Variants in ZNF782 observed in about 807,000 individuals in gnomAD.
The protein encoded by ZNF782 is zinc finger protein 782.
ZNF782 carries 12 observed loss-of-function variants against 13.0 expected under a neutral mutation model. That is an observed-to-expected ratio of 0.92 (90% CI 0.59 to 1.50). ZNF782 has a LOEUF of 1.50. Ranked by LOEUF, ZNF782 falls within the 40% of genes most tolerant of loss-of-function variation. The pLI is 0.00. For missense variants in ZNF782, 770 were observed against 822.9 expected (o/e 0.94, Z 0.79); for synonymous variants, 284 against 283.0 (o/e 1.00, Z -0.04).
chr9:96,866,415 C>A (rs1333133147), intron 1 of ZNF782, among the ~76,000 whole-genome samples: 3 of 152,156 alleles, frequency 2.0e-5, no homozygotes, highest in Non-Finnish European at 4.4e-5. Context: ...CCTGCAGGTG[C>A]ACAGAAGTCA....
chr9:96,877,727 G>T (rs1851911852), upstream of ZNF782, among the ~76,000 whole-genome samples: 1 of 152,202 alleles, frequency 6.6e-6, no homozygotes, highest in Non-Finnish European at 1.5e-5. Flanking sequence ...TCCCTGCCTG[G>T]GGTCGTTCCC....
chr9:96,894,355 C>G, the ZNF782 span: 11 of 152,204 alleles, frequency 7.2e-5, no homozygotes, highest in Admixed American at 5.9e-4. Context: ...AAAAAAGAAC[C>G]TCCATGCTCA....
intron 4 of ZNF782, among the ~76,000 whole-genome samples, chr9:96,843,876 T>C (rs1384280951): frequency 6.6e-6 from 1 of 152,160 alleles, no homozygotes; most frequent in Non-Finnish European, 1.5e-5. Context: ...AAAAAGTCTG[T>C]AAAACATATA....
chr9:96,857,739 A>G (rs1023010161), upstream of ZNF782, among the ~76,000 whole-genome samples: 1 of 152,192 alleles, frequency 6.6e-6, no homozygotes, highest in Non-Finnish European at 1.5e-5. Flanking sequence ...TAATTTTTCA[A>G]TATTTTTTTG....
At chr9:96,893,999 C>CAAAAAAAAAAA in the ZNF782 span, 3 of 48,888 alleles carry the variant, frequency 6.1e-5, no homozygotes, top group African/African-American at 3.4e-4. Flanking sequence ...GACTCCGTCT[C>CAAAAAAAAAAA]AAAAAAAAAA....
At chr9:96,858,805 C>T (rs749587630), upstream of ZNF782, among the ~76,000 whole-genome samples, 24 of 152,182 alleles carry the variant, frequency 1.6e-4, no homozygotes, top group Non-Finnish European at 2.9e-4. This position sits in a 1 kb window ranked among gnomAD's most constrained non-coding sequence, Gnocchi z 4.4. Context: ...AAATCTCTGC[C>T]AGCTGTGCTC....
intron 5 of ZNF782, among the ~76,000 whole-genome samples, chr9:96,820,034 A>G (rs1850356170): frequency 6.6e-6 from 1 of 152,194 alleles, no homozygotes; most frequent in South Asian, 2.1e-4. Context: ...TCAAAACTGA[A>G]TAGAGAAGAG....
At chr9:96,909,154 G>GAAAT in the ZNF782 span, among the ~76,000 whole-genome samples, 4 of 110,238 alleles carry the variant, frequency 3.6e-5, no homozygotes, top group Non-Finnish European at 7.6e-5. Context: ...ATGAAACTGA[G>GAAAT]AAATAAATAA....
At chr9:96,922,760 C>T in the ZNF782 span, among the ~76,000 whole-genome samples, 4 of 151,378 alleles carry the variant, frequency 2.6e-5, no homozygotes, top group Admixed American at 6.6e-5. Flanking sequence ...GGCGACAGAG[C>T]GAGACTCCGT....
the ZNF782 span, among the ~76,000 whole-genome samples, chr9:96,885,860 TAGACAG>T: frequency 6.6e-6 from 1 of 152,176 alleles, no homozygotes; most frequent in Admixed American, 6.5e-5. Flanking sequence ...TTTCTTTTCT[TAGACAG>T]AGACAGAGTC....
chr9:96,887,785 T>C, the ZNF782 span: 3 of 151,972 alleles, frequency 2.0e-5, no homozygotes, highest in South Asian at 6.2e-4. Context: ...CCAACAATGA[T>C]AGACTGGATT....
the ZNF782 span, among the ~76,000 whole-genome samples, chr9:96,913,231 C>A: frequency 5.3e-5 from 8 of 152,018 alleles, no homozygotes; most frequent in Non-Finnish European, 1.0e-4. Flanking sequence ...AGGAGAACCA[C>A]TTGAACCTGG....
chr9:96,874,399 G>C (rs1268887059), intron 1 of ZNF782, among the ~76,000 whole-genome samples: 1 of 152,174 alleles, frequency 6.6e-6, no homozygotes. Context: ...TGAGAGCAGT[G>C]CAGTGTCTTT....
In ZNF782 at chr9:96,818,955, A is replaced by G. The variant is rs1230022906; in HGVS notation, c.1068T>C (p.His356=). The G allele has an allele frequency of 5.0e-6, 8 of 1,614,130 alleles. No individual in the cohort carries two copies. Among genetic ancestry groups the G allele is most frequent in the South Asian group, 1.1e-5 (1 of 91,074 alleles). Reference sequence around the variant, plus strand: ...GTTTTGCCCTTATGTGAACCTTCTGATGTACACTGAAAGTTGACTGGTAGC... The same window carrying G: ...GTTTTGCCCTTATGTGAACCTTCTGGTGTACACTGAAAGTTGACTGGTAGC... ...TFSYQSTFSV[H]QKVHIRAKPY... Residue 356 remains histidine, a synonymous_variant, in exon 6 of 6, where the codon CAT becomes CAC. Coordinates refer to ENST00000481138, the MANE Select transcript of ZNF782 (RefSeq NM_001001662.3).
chr9:96,879,868 ATT>A (rs561959791), upstream of ZNF782, among the ~76,000 whole-genome samples: 6 of 151,502 alleles, frequency 4.0e-5, no homozygotes, highest in African/African-American at 9.7e-5. Flanking sequence ...TCGTTTTAGG[ATT>A]TTTTTTTGTT....
the ZNF782 span, chr9:96,902,815 A>AT: frequency 7.2e-6 from 1 of 138,952 alleles, no homozygotes; most frequent in African/African-American, 3.0e-5. Context: ...TATTATTATT[A>AT]TTATTTTGAA....
intron 1 of ZNF782, among the ~76,000 whole-genome samples, chr9:96,864,792 G>A (rs143420324): frequency 3.2e-4 from 48 of 151,304 alleles, no homozygotes; most frequent in African/African-American, 1.1e-3. Flanking sequence ...AGCACTTTGG[G>A]AGGCCAAGGT....
chr9:96,822,867 A>G (rs1352815234), intron 5 of ZNF782, among the ~76,000 whole-genome samples: 1 of 152,126 alleles, frequency 6.6e-6, no homozygotes, highest in Non-Finnish European at 1.5e-5. Context: ...TTCCTTATTG[A>G]GTTTAAGATA....
chr9:96,886,426 A>G, the ZNF782 span, among the ~76,000 whole-genome samples: 1 of 152,172 alleles, frequency 6.6e-6, no homozygotes, highest in African/African-American at 2.4e-5. Flanking sequence ...TACACCTAAT[A>G]TGGTGTTCAA....
Sources: gnomAD v4.1 joint callset for allele counts (sites outside exome capture counted in the v4.1 genomes callset) on GRCh38, gnomAD v4.1.1 for gene constraint, Gnocchi (gnomAD v3.1) non-coding constraint, MANE v1.5 for transcripts, NCBI Gene and HGNC (gene_info 2026-07-23, HGNC 2026-07-21) for gene names.